Variants in NELL1 observed in about 807,000 individuals in gnomAD.
The protein encoded by NELL1 is neural EGFL like 1.
In NELL1, 76 loss-of-function variants were observed where a neutral mutation model predicts 107.4. That is an observed-to-expected ratio of 0.71 (90% CI 0.59 to 0.86). The LOEUF is 0.86. NELL1 is among the 40% of genes least tolerant of loss of function. The probability of loss-of-function intolerance (pLI) is 0.00; values close to 1 mark genes in which losing one functional copy is unlikely to be tolerated. For synonymous variants in NELL1, 353 were observed against 341.2 expected, an observed-to-expected ratio of 1.03 and a Z score of -0.38; for missense variants, 1,024 against 1,005.5, an observed-to-expected ratio of 1.02 and a Z score of -0.25.
intron 14 of NELL1, among the ~76,000 whole-genome samples, chr11:21,280,124 A>G (rs1205813724): frequency 3.3e-5 from 5 of 152,202 alleles, no homozygotes; most frequent in African/African-American, 4.8e-5. Context: ...TAATGATACT[A>G]CAATGGTGGA....
intron 2 of NELL1, among the ~76,000 whole-genome samples, chr11:20,717,350 G>A (rs1305440603): frequency 2.0e-5 from 3 of 152,154 alleles, no homozygotes; most frequent in Non-Finnish European, 4.4e-5. Context: ...CTTCAGTCAT[G>A]CTGGCCACAT....
intron 9 of NELL1, among the ~76,000 whole-genome samples, chr11:20,929,896 C>T (rs886091470): frequency 2.0e-5 from 3 of 149,892 alleles, no homozygotes; most frequent in Admixed American, 6.7e-5. Flanking sequence ...TGCTTGAACC[C>T]GGGAGGCAGA....
At chr11:21,454,198 G>A (rs549872730) in intron 15 of NELL1, among the ~76,000 whole-genome samples, 36 of 146,808 alleles carry the variant, frequency 2.5e-4, no homozygotes, top group Admixed American at 8.3e-4. Context: ...TTGTTCTTGC[G>A]ATAGTTTACT....
chr11:21,261,963 C>G (rs962587576), intron 14 of NELL1, among the ~76,000 whole-genome samples: 3 of 151,726 alleles, frequency 2.0e-5, no homozygotes. Flanking sequence ...TTTTACACAC[C>G]TCTCCACATA....
At chr11:20,925,214 G>A (rs1850467662) in intron 7 of NELL1, among the ~76,000 whole-genome samples, 1 of 152,118 alleles carries the variant, frequency 6.6e-6, no homozygotes, top group African/African-American at 2.4e-5. Flanking sequence ...GTTTCCTAAA[G>A]CATTGCCAAA....
At chr11:20,973,033 C>T (rs1413776847) in intron 12 of NELL1, among the ~76,000 whole-genome samples, 1 of 151,922 alleles carries the variant, frequency 6.6e-6, no homozygotes, top group Non-Finnish European at 1.5e-5. Context: ...TTTGAGGCTT[C>T]CTCCTCTGGG....
At chr11:21,349,826 C>T (rs1850764459) in intron 14 of NELL1, among the ~76,000 whole-genome samples, 1 of 152,006 alleles carries the variant, frequency 6.6e-6, no homozygotes, top group Non-Finnish European at 1.5e-5. Context: ...TCCATGTGTC[C>T]TCAATATGGC....
At chr11:20,735,132 G>GAAAAACTTCAAAGAA (rs1855732015) in intron 2 of NELL1, among the ~76,000 whole-genome samples, 1 of 152,180 alleles carries the variant, frequency 6.6e-6, no homozygotes. Context: ...GAAAAACTCA[G>GAAAAACTTCAAAGAA]AAAGTGTTTT....
At chr11:21,029,057 T>C (rs1204915164) in intron 12 of NELL1, among the ~76,000 whole-genome samples, 1 of 152,102 alleles carries the variant, frequency 6.6e-6, no homozygotes, top group Non-Finnish European at 1.5e-5. Context: ...AGTGTTGACT[T>C]TAATGTTTCT....
At chr11:20,714,508 C>G (rs1855193703) in intron 2 of NELL1, among the ~76,000 whole-genome samples, 1 of 133,484 alleles carries the variant, frequency 7.5e-6, no homozygotes, top group South Asian at 2.8e-4. Flanking sequence ...ATGCCTGGCC[C>G]TGATGTGTTT....
intron 15 of NELL1, among the ~76,000 whole-genome samples, chr11:21,414,904 C>A (rs1366254160): frequency 6.6e-6 from 1 of 152,048 alleles, no homozygotes; most frequent in African/African-American, 2.4e-5. Flanking sequence ...AGGACAATTT[C>A]TATCTCCTTT....
intron 16 of NELL1, among the ~76,000 whole-genome samples, chr11:21,537,688 C>T (rs910214753): frequency 5.3e-5 from 8 of 152,050 alleles, no homozygotes; most frequent in African/African-American, 1.7e-4. Context: ...CTACTGTACT[C>T]GCAGCCCCTA....
chr11:21,427,638 A>G (rs1852858322), intron 15 of NELL1, among the ~76,000 whole-genome samples: 1 of 152,172 alleles, frequency 6.6e-6, no homozygotes, highest in African/African-American at 2.4e-5. Flanking sequence ...AGGGAGGGAG[A>G]GGTGATAAGA....
chr11:20,958,541 G>A (rs1413267975), intron 11 of NELL1, among the ~76,000 whole-genome samples: 1 of 152,162 alleles, frequency 6.6e-6, no homozygotes, highest in East Asian at 1.9e-4. Flanking sequence ...AATAATAGAA[G>A]CCAGAAAACA....
At chr11:20,942,107 G>A (rs1457122944) in intron 10 of NELL1, among the ~76,000 whole-genome samples, 1 of 152,230 alleles carries the variant, frequency 6.6e-6, no homozygotes, top group Non-Finnish European at 1.5e-5. Context: ...GAGGCATTTA[G>A]AGACTTTGCA....
intron 1 of NELL1, among the ~76,000 whole-genome samples, chr11:20,676,332 T>A (rs892669107): frequency 7.9e-5 from 12 of 151,732 alleles, no homozygotes; most frequent in African/African-American, 2.9e-4. Flanking sequence ...ATCTTATTCA[T>A]TTGTTTATTT....
chr11:20,883,105 C>T (rs1011608969), intron 4 of NELL1, among the ~76,000 whole-genome samples: 3 of 85,212 alleles, frequency 3.5e-5, no homozygotes, highest in African/African-American at 1.4e-4. Context: ...CTAATGCAGA[C>T]TGCCTCTTGG....
chr11:21,336,099 A>T (rs1850388307), intron 14 of NELL1, among the ~76,000 whole-genome samples: 1 of 152,112 alleles, frequency 6.6e-6, no homozygotes, highest in African/African-American at 2.4e-5. Context: ...AAAAACTGTT[A>T]TTGAGATGTC....
chr11:20,939,215 TG>T, intron 10 of NELL1, among the ~76,000 whole-genome samples: 1 of 151,994 alleles, frequency 6.6e-6, no homozygotes, highest in East Asian at 1.9e-4. Context: ...GAAACCCAGA[TG>T]ATGTCCAGGT....
Sources: gnomAD v4.1 joint callset for allele counts (sites outside exome capture counted in the v4.1 genomes callset) on GRCh38, gnomAD v4.1.1 for gene constraint, MANE v1.5 for transcripts, NCBI Gene and HGNC (gene_info 2026-07-23, HGNC 2026-07-21) for gene names.